The following RALYL variants were observed in gnomAD, a reference collection of about 807,000 sequenced individuals.
RALYL encodes RALY RNA binding protein like.
In RALYL, 29 loss-of-function variants were observed where a neutral mutation model predicts 35.1. That is an observed-to-expected ratio of 0.83 (90% CI 0.61 to 1.13). The LOEUF is 1.13. RALYL is among the 50% of genes most tolerant of loss of function. The pLI is 0.00. For synonymous variants in RALYL, 120 were observed against 127.6 expected (o/e 0.94, Z 0.40); for missense variants, 359 against 360.4 (o/e 1.00, Z 0.03).
rs533901930 is a variant in RALYL at position 84,497,173 on chromosome 8, G to A, written c.-23-32126G>A. On this transcript the variant is annotated intron_variant, in intron 1 of 8. Transcript: ENST00000521268. ...GTTTTAGAAAGTACAGAACTGATAG[G>A]CACTACAGAATCATACAGAAACATG... Among the ~76,000 whole-genome samples the A allele has an allele frequency of 7.2e-5, 11 of 152,200 alleles. No homozygotes were observed. The South Asian group carries it at 2.3e-3, about 32-fold the overall frequency.
intron 1 of RALYL, among the ~76,000 whole-genome samples, chr8:84,469,810 C>T (rs1472712487): frequency 1.3e-5 from 2 of 152,152 alleles, no homozygotes; most frequent in Non-Finnish European, 2.9e-5. Flanking sequence ...GCATAGGACC[C>T]TCCGAGCCAG....
chr8:84,743,437 A>C (rs571857420), intron 2 of RALYL, among the ~76,000 whole-genome samples: 97 of 151,938 alleles, frequency 6.4e-4, no homozygotes, highest in African/African-American at 1.8e-3. Flanking sequence ...CTCACCACCA[A>C]CAAAAAAAAA....
chr8:84,223,854 GAGACCAGAGTGTTAT>G (rs1586319494), intron 1 of RALYL, among the ~76,000 whole-genome samples: 1 of 152,306 alleles, frequency 6.6e-6, no homozygotes, highest in East Asian at 1.9e-4. Context: ...AAGAAAATGT[GAGACCAGAGTGTTAT>G]GAATTAAATT....
chr8:84,828,933 AGTTCGCTGACCCACT>A (rs1352978999), intron 4 of RALYL: 1 of 152,324 alleles, frequency 6.6e-6, no homozygotes, highest in African/African-American at 2.4e-5. Context: ...CTCCAGTGGC[AGTTCGCTGACCCACT>A]ACCTTAAAAA....
chr8:84,901,262 C>T (rs1442913495), intron 8 of RALYL, among the ~76,000 whole-genome samples: 1 of 152,124 alleles, frequency 6.6e-6, no homozygotes, highest in Admixed American at 6.5e-5. Context: ...TCAGGAAAAA[C>T]TCCGTCTAAA....
chr8:84,742,126 G>A (rs994920681), intron 2 of RALYL, among the ~76,000 whole-genome samples: 3 of 151,878 alleles, frequency 2.0e-5, no homozygotes, highest in South Asian at 2.1e-4. Context: ...TTTAGGTAGG[G>A]AAACACTGGC....
chr8:84,570,851 ATATT>A (rs916947747), intron 2 of RALYL, among the ~76,000 whole-genome samples: 16 of 151,148 alleles, frequency 1.1e-4, no homozygotes, highest in Non-Finnish European at 1.5e-5. Flanking sequence ...GATTATATAT[ATATT>A]TAATTCTGTT....
intron 4 of RALYL, among the ~76,000 whole-genome samples, chr8:84,846,657 T>A (rs1006037909): frequency 6.6e-6 from 1 of 152,170 alleles, no homozygotes; most frequent in Admixed American, 6.5e-5. Context: ...CTTTTATTGA[T>A]TGGTAGGTTT....
chr8:84,248,045 A>G (rs1444467769), intron 1 of RALYL, among the ~76,000 whole-genome samples: 1 of 152,168 alleles, frequency 6.6e-6, no homozygotes, highest in African/African-American at 2.4e-5. Flanking sequence ...AATCATGATA[A>G]TTACAACAAT....
At chr8:84,706,959 TCA>T (rs1841329112) in intron 2 of RALYL, among the ~76,000 whole-genome samples, 1 of 152,188 alleles carries the variant, frequency 6.6e-6, no homozygotes. Context: ...TACTCTGTAC[TCA>T]AAGTCTGTAC....
chr8:84,382,857 C>G (rs758476199), intron 1 of RALYL, among the ~76,000 whole-genome samples: 1 of 151,642 alleles, frequency 6.6e-6, no homozygotes, highest in Non-Finnish European at 1.5e-5. Flanking sequence ...GTAATAAAGA[C>G]TCGTCAAATT....
rs545395539 is a variant in RALYL at position 84,281,469 on chromosome 8, G to A, written c.-24+97045G>A. 5.3e-5 allele frequency among the ~76,000 whole-genome samples: 8 copies of A among 152,156 alleles called. No homozygotes were observed. The South Asian group carries it at 1.7e-3, about 32-fold the overall frequency. ...ATATGAATGAAAGAATTTAATGCTG[G>A]AAGCTAAATATAACTACACAGAGTG... On this transcript the variant is annotated intron_variant, in intron 1 of 8. Transcript: ENST00000521268.
At chr8:84,883,050 A>T (rs1842421908) in intron 7 of RALYL, among the ~76,000 whole-genome samples, 1 of 152,028 alleles carries the variant, frequency 6.6e-6, no homozygotes, top group African/African-American at 2.4e-5. Flanking sequence ...CATTGAGATG[A>T]TGACAAAAGC....
intron 1 of RALYL, among the ~76,000 whole-genome samples, chr8:84,341,012 G>A (rs758752919): frequency 1.3e-5 from 2 of 151,978 alleles, no homozygotes; most frequent in Non-Finnish European, 2.9e-5. Context: ...ATTCTAACAG[G>A]TGTGAGATGA....
At chr8:84,880,960 A>T (rs1350634115) in intron 7 of RALYL, among the ~76,000 whole-genome samples, 1 of 151,806 alleles carries the variant, frequency 6.6e-6, no homozygotes, top group East Asian at 1.9e-4. Context: ...TCCTTATAAA[A>T]CCTATTAAAT....
At chr8:84,431,119 G>A (rs185307257) in intron 1 of RALYL, among the ~76,000 whole-genome samples, 1 of 152,168 alleles carries the variant, frequency 6.6e-6, no homozygotes, top group Non-Finnish European at 1.5e-5. Context: ...TACTTACAGT[G>A]TGCCTGGGAT....
intron 3 of RALYL, among the ~76,000 whole-genome samples, chr8:84,787,696 A>G (rs950798847): frequency 1.3e-5 from 2 of 152,088 alleles, no homozygotes; most frequent in African/African-American, 4.8e-5. Context: ...GTTTCCTGAC[A>G]TTTTAATGAT....
At chr8:84,819,822 A>C (rs2134216662) in intron 4 of RALYL, among the ~76,000 whole-genome samples, 2 of 152,372 alleles carry the variant, frequency 1.3e-5, no homozygotes, top group South Asian at 4.1e-4. Flanking sequence ...GCAGTGGTGC[A>C]GTACTTTATA....
At chr8:84,578,324 C>A (rs893700041) in intron 2 of RALYL, among the ~76,000 whole-genome samples, 3 of 152,206 alleles carry the variant, frequency 2.0e-5, no homozygotes. Flanking sequence ...AGAGCTGCAA[C>A]CACAGAGCTC....
Sources: gnomAD v4.1 joint callset for allele counts (sites outside exome capture counted in the v4.1 genomes callset) on GRCh38, gnomAD v4.1.1 for gene constraint, MANE v1.5 for transcripts, NCBI Gene and HGNC (gene_info 2026-07-23, HGNC 2026-07-21) for gene names.